Variants in SH3RF1 observed in about 807,000 individuals in gnomAD.
SH3RF1 encodes the protein E3 ubiquitin-protein ligase SH3RF1.
SH3RF1 carries 32 observed loss-of-function variants against 74.0 expected under a neutral mutation model. That is an observed-to-expected ratio of 0.43 (90% confidence interval 0.33 to 0.58). The LOEUF is 0.58. Among genes scored for constraint, SH3RF1 ranks in the 20% least tolerant of loss-of-function variants. SH3RF1 has a pLI of 0.05. For synonymous variants in SH3RF1, 396 were observed against 439.6 expected, an observed-to-expected ratio of 0.90 and a Z score of 1.24; for missense variants, 954 against 1,130.9, an observed-to-expected ratio of 0.84 and a Z score of 2.24.
intron 2 of SH3RF1, among the ~76,000 whole-genome samples, chr4:169,173,753 C>CT (rs1193069391): frequency 6.0e-5 from 9 of 151,140 alleles, no homozygotes; most frequent in Admixed American, 2.0e-4. Context: ...TACAAGCTAC[C>CT]TTTTTTTTTA....
At chr4:169,206,388 CT>C (rs139514068) in intron 2 of SH3RF1, among the ~76,000 whole-genome samples, 7,553 of 152,158 alleles carry the variant, frequency 0.05, 334 homozygotes, top group Admixed American at 0.15. Context: ...ATTCAAGGGG[CT>C]GGGGGAAGGG....
At chr4:169,155,079 CT>C (rs1265726717) in intron 4 of SH3RF1, among the ~76,000 whole-genome samples, 1 of 152,184 alleles carries the variant, frequency 6.6e-6, no homozygotes, top group Non-Finnish European at 1.5e-5. Context: ...TATTCTGGTT[CT>C]GCTGATGCAG....
At chr4:169,148,017 TC>T (rs1353132109) in intron 4 of SH3RF1, among the ~76,000 whole-genome samples, 1 of 15,428 alleles carries the variant, frequency 6.5e-5, no homozygotes, top group African/African-American at 7.8e-5. Context: ...TTGTGATTTT[TC>T]TCATAAAAAG....
intron 2 of SH3RF1, among the ~76,000 whole-genome samples, chr4:169,253,305 G>T (rs1490188248): frequency 6.6e-6 from 1 of 152,180 alleles, no homozygotes; most frequent in African/African-American, 2.4e-5. Flanking sequence ...TTACTTATTT[G>T]TAAGTATCAG....
chr4:169,144,026 T>C (rs1027839372), intron 4 of SH3RF1, among the ~76,000 whole-genome samples: 5 of 152,328 alleles, frequency 3.3e-5, no homozygotes, highest in African/African-American at 1.2e-4. Flanking sequence ...TAGGTCTTTG[T>C]CCTCACTGGT....
At chr4:169,246,774 C>T (rs575473542) in intron 2 of SH3RF1, among the ~76,000 whole-genome samples, 7 of 152,198 alleles carry the variant, frequency 4.6e-5, no homozygotes, top group Non-Finnish European at 1.0e-4. Context: ...TGGGTCTGAT[C>T]CACTAATGTA....
intron 2 of SH3RF1, among the ~76,000 whole-genome samples, chr4:169,157,179 C>A (rs536238904): frequency 1.3e-5 from 2 of 152,306 alleles, no homozygotes; most frequent in Non-Finnish European, 2.9e-5. Context: ...GGCTTTTAGG[C>A]AAATCTCTTC....
At chr4:169,114,248 A>C (rs1436300845) in intron 10 of SH3RF1, among the ~76,000 whole-genome samples, 2 of 152,308 alleles carry the variant, frequency 1.3e-5, no homozygotes, top group African/African-American at 4.8e-5. Flanking sequence ...TCCAGATTCT[A>C]GAGGCTTCCT....
At chr4:169,270,408 C>G (rs1731428325) in intron 1 of SH3RF1, among the ~76,000 whole-genome samples, 1 of 152,110 alleles carries the variant, frequency 6.6e-6, no homozygotes. Context: ...TACAGCCTCC[C>G]TCATCTCCGC....
chr4:169,174,155 C>T (rs1579119702), intron 2 of SH3RF1, among the ~76,000 whole-genome samples: 2 of 152,078 alleles, frequency 1.3e-5, no homozygotes, highest in South Asian at 2.1e-4. Flanking sequence ...CCCCGACCTC[C>T]GGGCTGAAGT....
At chr4:169,266,719 C>A (rs1290267780) in intron 2 of SH3RF1, among the ~76,000 whole-genome samples, 1 of 152,116 alleles carries the variant, frequency 6.6e-6, no homozygotes, top group Non-Finnish European at 1.5e-5. Flanking sequence ...CCGGCCCCAG[C>A]CTCTGGAGTA....
chr4:169,186,591 C>G (rs1043669241), intron 2 of SH3RF1, among the ~76,000 whole-genome samples: 1 of 151,286 alleles, frequency 6.6e-6, no homozygotes, highest in Admixed American at 6.6e-5. Flanking sequence ...AAAATTTCTA[C>G]AGATACAAAC....
At chr4:169,207,987 G>A (rs974778251) in intron 2 of SH3RF1, among the ~76,000 whole-genome samples, 1 of 152,086 alleles carries the variant, frequency 6.6e-6, no homozygotes, top group African/African-American at 2.4e-5. Flanking sequence ...GGATGAGGGG[G>A]ATGGGAACCA....
chr4:169,116,523 C>T lies in SH3RF1; in HGVS notation c.1885G>A (p.Ala629Thr). 6.2e-7 allele frequency: 1 copy of T among 1,612,926 alleles called. No individual in the cohort carries two copies. Among genetic ancestry groups the T allele is most frequent in the Non-Finnish European group, 8.5e-7 (1 of 1,179,536 alleles). Residue 629 changes from alanine to threonine, a missense_variant, in exon 10 of 12, where the codon GCC (alanine) becomes ACC (threonine). By Grantham distance (58) the Ala-to-Thr change is moderately conservative. Around this residue, in one of 3 missense-constraint regions of SH3RF1, gnomAD observed 854 missense variants for 962.5 expected, o/e 0.89. Transcript: ENST00000284637. ...ASVGLSHHSL[A>T]SPQPAPLMPG... ...ATCAGAGGCGCAGGTTGTGGGGAGG[C>T]CAGCGAGTGATGGGACAGGCCCACA...
In SH3RF1 at chr4:169,149,442, C is replaced by T. The variant is rs1427719835; in HGVS notation, c.765+6038G>A. ...CATTCAGAAGATATGAAAACCTACA[C>T]CATGGGACATAGTCTACAGTGCTTA... On this transcript the variant is annotated intron_variant, in intron 4 of 11. Transcript: ENST00000284637. Among the ~76,000 whole-genome samples the T allele has an allele frequency of 2.0e-5, 3 of 152,242 alleles. No individual in the cohort carries two copies. The East Asian group carries it at 5.8e-4, about 29-fold the overall frequency.
intron 2 of SH3RF1, among the ~76,000 whole-genome samples, chr4:169,222,674 AG>A (rs2127002577): frequency 6.6e-6 from 1 of 152,212 alleles, no homozygotes; most frequent in South Asian, 2.1e-4. Flanking sequence ...TAGTAATCTG[AG>A]GACAAATTTC....
At chr4:169,198,880 C>T (rs994229456) in intron 2 of SH3RF1, among the ~76,000 whole-genome samples, 3 of 152,094 alleles carry the variant, frequency 2.0e-5, no homozygotes, top group African/African-American at 7.2e-5. Context: ...ATACATCAGT[C>T]TAGACTTAAA....
chr4:169,152,104 T>A (rs1733986323), intron 4 of SH3RF1, among the ~76,000 whole-genome samples: 1 of 152,208 alleles, frequency 6.6e-6, no homozygotes, highest in Non-Finnish European at 1.5e-5. Context: ...TTTATACATA[T>A]CATGGCATGG....
At chr4:169,198,274 A>T (rs1212953529) in intron 2 of SH3RF1, among the ~76,000 whole-genome samples, 1 of 152,194 alleles carries the variant, frequency 6.6e-6, no homozygotes, top group Non-Finnish European at 1.5e-5. Context: ...TTCTTAGCAT[A>T]CTGGCACAAT....
Sources: allele counts gnomAD v4.1 joint callset (sites outside exome capture counted in the v4.1 genomes callset), GRCh38; gene constraint gnomAD v4.1.1; regional missense constraint gnomAD v4.1.1; transcripts MANE v1.5; gene names NCBI Gene and HGNC (gene_info 2026-07-23, HGNC 2026-07-21).